BDP1: variants seen among roughly 807,000 people sequenced by gnomAD.
BDP1 encodes transcription factor TFIIIB component B'' homolog.
A neutral mutation model predicts 266.6 loss-of-function variants in BDP1; 169 were observed. That is an observed-to-expected ratio of 0.63 (90% CI 0.56 to 0.72). The LOEUF (loss-of-function observed/expected upper bound fraction) is 0.72. Among genes scored for constraint, BDP1 ranks in the 30% least tolerant of loss-of-function variants. The pLI is 0.00. For missense variants in BDP1, 3,015 were observed against 3,053.8 expected (o/e 0.99, Z 0.30); for synonymous variants, 1,090 against 1,022.4 (o/e 1.07, Z -1.26).
intron 35 of BDP1, among the ~76,000 whole-genome samples, chr5:71,556,627 C>T (rs938691077): frequency 6.6e-6 from 1 of 152,004 alleles, no homozygotes; most frequent in Non-Finnish European, 1.5e-5. Context: ...TGATGTGCTG[C>T]TTGTACTATT....
intron 11 of BDP1, among the ~76,000 whole-genome samples, chr5:71,492,776 A>C (rs550318905): frequency 2.6e-5 from 4 of 152,174 alleles, no homozygotes; most frequent in Non-Finnish European, 5.9e-5. Context: ...TGTTGCCTAT[A>C]CTTTTGGTGT....
At chr5:71,547,406 G>T (rs941197606) in intron 32 of BDP1, among the ~76,000 whole-genome samples, 1 of 151,932 alleles carries the variant, frequency 6.6e-6, no homozygotes, top group African/African-American at 2.4e-5. Flanking sequence ...GTAATAATGT[G>T]TTCTTCCTTT....
chr5:71,523,925 G>A lies in BDP1; in HGVS notation c.5388-14G>A. 1 of 1,591,508 alleles carries A rather than the reference G, an allele frequency of 6.3e-7. No individual in the cohort carries two copies. On this transcript the variant is annotated splice_polypyrimidine_tract_variant and intron_variant, in intron 24 of 38. Transcript: ENST00000358731. ...ATGCATATGACCTTATTGTTGTTTT[G>A]ATTAAATATCTAGCTGTCCACAACC...
chr5:71,539,757 A>G (rs1376045228), intron 28 of BDP1, 108 bp downstream of exon 28: 3 of 663,824 alleles, frequency 4.5e-6, no homozygotes, highest in Admixed American at 3.0e-5. Flanking sequence ...AGTTGTCTCC[A>G]TTTTGTTGTT....
rs771227527 is a variant in BDP1 at position 71,535,202 on chromosome 5, AT to A, written c.5892+2791del. ...CTGATAAACCCATCATAAAATAACAATTTTTTTTTTTTTTTTAAAGACAGAG... is the reference window on the plus strand; with the variant it reads ...CTGATAAACCCATCATAAAATAACAATTTTTTTTTTTTTTTAAAGACAGAG... On this transcript the variant is annotated intron_variant, in intron 26 of 38. Coordinates refer to ENST00000358731, the MANE Select transcript of BDP1 (RefSeq NM_018429.3). Among the ~76,000 whole-genome samples, 802 of 143,580 alleles carry A rather than the reference AT, an allele frequency of 5.6e-3. 1 individual carries two copies. The highest frequency in any genetic ancestry group is 7.2e-3 in the Middle Eastern group (2 of 278). The allele number at this position is 143,580 out of a possible 152,430, so 94.2% of individuals were successfully genotyped here.
At chr5:71,561,096 C>T (rs1386951066) in intron 37 of BDP1, among the ~76,000 whole-genome samples, 5 of 143,718 alleles carry the variant, frequency 3.5e-5, no homozygotes, top group South Asian at 2.3e-4. Flanking sequence ...TAGCCAGACC[C>T]GTCTCTGAAA....
chr5:71,474,398 C>A (rs1383443356), intron 7 of BDP1, among the ~76,000 whole-genome samples: 1 of 151,702 alleles, frequency 6.6e-6, no homozygotes, highest in East Asian at 1.9e-4. Flanking sequence ...TCTTGGCTGA[C>A]TGCAAACTCC....
At chr5:71,465,416 C>T (rs868091213) in intron 4 of BDP1, among the ~76,000 whole-genome samples, 10 of 152,036 alleles carry the variant, frequency 6.6e-5, no homozygotes, top group Non-Finnish European at 1.5e-4. Flanking sequence ...CACGCATCAC[C>T]ATGCTGGGCT....
intron 7 of BDP1, among the ~76,000 whole-genome samples, chr5:71,481,239 G>GT (rs1762943629): frequency 6.6e-6 from 1 of 150,812 alleles, no homozygotes; most frequent in Non-Finnish European, 1.5e-5. Flanking sequence ...TCTGGATTAT[G>GT]TTTTTTCTTT....
At chr5:71,521,790 TAGTG>T (rs778050387) in intron 22 of BDP1, among the ~76,000 whole-genome samples, 1 of 152,192 alleles carries the variant, frequency 6.6e-6, no homozygotes, top group Non-Finnish European at 1.5e-5. Flanking sequence ...AAACCCTTTT[TAGTG>T]AGAGTTCAGG....
At chr5:71,525,204 GGGGCGGCC>G (rs1765728669) in intron 25 of BDP1, among the ~76,000 whole-genome samples, 1 of 151,668 alleles carries the variant, frequency 6.6e-6, no homozygotes. Context: ...CTTCCCAGCA[GGGGCGGCC>G]GGGCAGAGGC....
chr5:71,516,236 C>T lies in BDP1; in HGVS notation c.4825C>T (p.Pro1609Ser), dbSNP rs2150490647. 6.2e-7 allele frequency: 1 copy of T among 1,612,836 alleles called. No individual in the cohort carries two copies. Among genetic ancestry groups the T allele is most frequent in the Non-Finnish European group, 8.5e-7 (1 of 1,179,316 alleles). ...AATTAAGGAAGGAAGAACGATATTACCAAAAGATGAAACTGAAAAGAAAGT... is the reference window on the plus strand; with the variant it reads ...AATTAAGGAAGGAAGAACGATATTATCAAAAGATGAAACTGAAAAGAAAGT... ...GIIKEGRTILPKDETEKKVLT... is the reference protein window; with the variant it reads ...GIIKEGRTILSKDETEKKVLT... Residue 1609 changes from proline (P) to serine (S), a missense_variant, in exon 21 of 39, where the codon CCA (proline) becomes TCA (serine). This residue lies in a region of BDP1 where 2,383 missense variants were observed against 2,404.9 expected (regional missense o/e 0.99). Coordinates refer to ENST00000358731, the MANE Select transcript of BDP1 (RefSeq NM_018429.3).
At chr5:71,545,256 T>A (rs778469220) in intron 32 of BDP1, 37 bp downstream of exon 32, 1 of 1,547,820 alleles carries the variant, frequency 6.5e-7, no homozygotes, top group Non-Finnish European at 8.8e-7. Context: ...GATAGCAAGG[T>A]GTTTTCCTCC....
chr5:71,490,184 C>T (rs1030114180), intron 10 of BDP1, among the ~76,000 whole-genome samples: 13 of 152,158 alleles, frequency 8.5e-5, no homozygotes, highest in Admixed American at 8.5e-4. Context: ...GAGTCTTGGT[C>T]CCTTTCCTTA....
At chr5:71,476,549 C>CCT (rs1466258145) in intron 7 of BDP1, among the ~76,000 whole-genome samples, 2 of 58,438 alleles carry the variant, frequency 3.4e-5, no homozygotes, top group East Asian at 1.6e-3. Flanking sequence ...CTTTTTTTTC[C>CCT]CTTTTTTTTT....
At chr5:71,544,651 G>GCA in intron 31 of BDP1, 144 bp downstream of exon 31, 1 of 795,126 alleles carries the variant, frequency 1.3e-6, no homozygotes, top group Non-Finnish European at 2.0e-6. Context: ...AGGCCAAGAC[G>GCA]GGAGGATCAC....
chr5:71,472,473 T>G (rs1762312557), intron 7 of BDP1, among the ~76,000 whole-genome samples: 1 of 152,176 alleles, frequency 6.6e-6, no homozygotes, highest in African/African-American at 2.4e-5. Flanking sequence ...AAAATGAGAA[T>G]AGACTGTATT....
rs765377788 is a variant in BDP1, at chr5:71,539,642, G to A, written c.6015G>A (p.Gln2005=). 1.5e-5 allele frequency: 24 copies of A among 1,603,270 alleles called. No individual in the cohort carries two copies. Among genetic ancestry groups the A allele is most frequent in the Middle Eastern group, 1.7e-4 (1 of 6,056 alleles). Reference sequence around the variant, plus strand: ...TGCAGTCAGAGATCAGTAGTGAACAGGGTGATGGTAAGAATGAAAGCTAAG... The same window carrying A: ...TGCAGTCAGAGATCAGTAGTGAACAAGGTGATGGTAAGAATGAAAGCTAAG... ...LVLQSEISSE[Q]GDVGVCIIPH... Residue 2005 remains glutamine, a synonymous_variant, in exon 28 of 39, where the codon CAG becomes CAA. Transcript: ENST00000358731.
the BDP1 span, among the ~76,000 whole-genome samples, chr5:71,573,830 A>G: frequency 3.4e-4 from 52 of 152,334 alleles, no homozygotes; most frequent in East Asian, 9.6e-3. Flanking sequence ...CTGGGCCACA[A>G]TTCCTGAAGA....
Sources: allele counts gnomAD v4.1 joint callset (sites outside exome capture counted in the v4.1 genomes callset), GRCh38; gene constraint gnomAD v4.1.1; regional missense constraint gnomAD v4.1.1; transcripts MANE v1.5; gene names NCBI Gene and HGNC (gene_info 2026-07-23, HGNC 2026-07-21).